The following CNIH3 variants were observed in gnomAD, a reference collection of about 807,000 sequenced individuals.
The protein encoded by CNIH3 is protein cornichon homolog 3.
In CNIH3, 14 loss-of-function variants were observed where a neutral mutation model predicts 24.1. The observed-to-expected ratio is 0.58, with a 90% CI of 0.38 to 0.91. CNIH3 has a LOEUF of 0.91. CNIH3 is among the 40% of genes least tolerant of loss of function. The pLI is 0.00. For missense variants in CNIH3, 178 were observed against 196.8 expected (o/e 0.90, Z 0.57); for synonymous variants, 68 against 73.8 (o/e 0.92, Z 0.40).
At chr1:224,588,968 G>GTTTTTTTTTTTTTTTTTTTTTTTTTT (rs974335950), downstream of CNIH3, among the ~76,000 whole-genome samples, 1 of 112,346 alleles carries the variant, frequency 8.9e-6, no homozygotes, top group Non-Finnish European at 1.7e-5. Flanking sequence ...CTGACCCCCT[G>GTTTTTTTTTTTTTTTTTTTTTTTTTT]TTTTTTTTTT....
At chr1:224,621,995 T>C (rs1683306083) in intron 1 of CNIH3, among the ~76,000 whole-genome samples, 1 of 152,228 alleles carries the variant, frequency 6.6e-6, no homozygotes, top group Admixed American at 6.5e-5. Context: ...GCACATGCTC[T>C]CTTGCTTGCC....
At chr1:224,480,812 G>A (rs1046369456) in intron 1 of CNIH3, among the ~76,000 whole-genome samples, 5 of 152,152 alleles carry the variant, frequency 3.3e-5, no homozygotes, top group East Asian at 1.9e-4. Context: ...ACAAGTCTCT[G>A]AGGAAGTTCC....
chr1:224,497,335 C>T (rs1677478916), intron 1 of CNIH3, among the ~76,000 whole-genome samples: 1 of 152,128 alleles, frequency 6.6e-6, no homozygotes, highest in Non-Finnish European at 1.5e-5. Flanking sequence ...CTAAAAACCA[C>T]TGAACTGTAT....
intron 1 of CNIH3, among the ~76,000 whole-genome samples, chr1:224,503,354 C>T (rs897223441): frequency 1.3e-5 from 2 of 152,280 alleles, no homozygotes; most frequent in African/African-American, 2.4e-5. Flanking sequence ...GTCTTTTCCT[C>T]CCTTGCTTCT....
At chr1:224,729,431 A>T (rs1689204488) in intron 3 of CNIH3, among the ~76,000 whole-genome samples, 1 of 150,724 alleles carries the variant, frequency 6.6e-6, no homozygotes, top group African/African-American at 2.4e-5. Flanking sequence ...AAAAAAAAAA[A>T]AAAAGGTAAG....
intron 1 of CNIH3, among the ~76,000 whole-genome samples, chr1:224,489,035 C>T (rs574544165): frequency 1.3e-5 from 2 of 152,074 alleles, no homozygotes; most frequent in South Asian, 4.1e-4. Flanking sequence ...GTAGTGTCTT[C>T]CTGTTTCTTT....
chr1:224,575,472 GC>G, intron 4 of CNIH3: 1 of 638,970 alleles, frequency 1.6e-6, no homozygotes, highest in South Asian at 1.8e-5. Context: ...AGGTAGTATG[GC>G]CTGTGTCACT....
At chr1:224,606,698 T>C (rs1308450845) in intron 3 of CNIH3, among the ~76,000 whole-genome samples, 2 of 152,210 alleles carry the variant, frequency 1.3e-5, no homozygotes, top group Non-Finnish European at 2.9e-5. Flanking sequence ...ACCGCCATCT[T>C]CTACCCAGTA....
chr1:224,712,302 T>C (rs951668245), intron 3 of CNIH3, among the ~76,000 whole-genome samples: 2 of 152,194 alleles, frequency 1.3e-5, no homozygotes, highest in African/African-American at 4.8e-5. Context: ...GCATTTTTAT[T>C]AATATCTACG....
At chr1:224,559,225 T>C (rs1680263809) in intron 3 of CNIH3, among the ~76,000 whole-genome samples, 1 of 152,200 alleles carries the variant, frequency 6.6e-6, no homozygotes, top group Admixed American at 6.5e-5. Flanking sequence ...GCAGACAGTT[T>C]TGCTTCAGAG....
chr1:224,446,414 A>G (rs945826965), intron 1 of CNIH3, among the ~76,000 whole-genome samples: 1 of 152,136 alleles, frequency 6.6e-6, no homozygotes, highest in Admixed American at 6.5e-5. Flanking sequence ...ATGTTTCTCT[A>G]CTTACATAGT....
intron 4 of CNIH3, among the ~76,000 whole-genome samples, chr1:224,732,732 C>T (rs1435122379): frequency 6.6e-6 from 1 of 152,170 alleles, no homozygotes; most frequent in Non-Finnish European, 1.5e-5. Context: ...ATGGACAAAA[C>T]ATCGATCAGG....
intron 4 of CNIH3, among the ~76,000 whole-genome samples, chr1:224,731,163 T>A (rs1292558043): frequency 2.0e-5 from 3 of 152,148 alleles, no homozygotes; most frequent in Non-Finnish European, 4.4e-5. Flanking sequence ...ATGAAAATGT[T>A]CTGAAATTAG....
At position 224,739,777 on chromosome 1, in the gene CNIH3, G is replaced by A. The variant is rs12133409; in HGVS notation, c.*421G>A. ...TTGCTAAGGAACAGAATGACCCAGA[G>A]TCAAGGCCAAGTCTGCAGGGACCTG... On this transcript the variant is annotated 3_prime_UTR_variant, in exon 6 of 6. Transcript: ENST00000272133. The A allele has an allele frequency of 5.9e-3, 1,103 of 187,864 alleles. 5 individuals carry two copies. Among genetic ancestry groups the A allele is most frequent in the Non-Finnish European group, 9.0e-3 (846 of 93,522 alleles). The allele number at this position is 187,864 out of a possible 1,614,324, so 11.6% of individuals were successfully genotyped here.
chr1:224,690,460 C>G (rs1686876388), intron 3 of CNIH3, among the ~76,000 whole-genome samples: 1 of 152,170 alleles, frequency 6.6e-6, no homozygotes, highest in African/African-American at 2.4e-5. Flanking sequence ...CTCAGCCTCC[C>G]AAAGTGCTGG....
intron 1 of CNIH3, among the ~76,000 whole-genome samples, chr1:224,638,660 C>T (rs1289658498): frequency 6.6e-6 from 1 of 152,172 alleles, no homozygotes; most frequent in Non-Finnish European, 1.5e-5. Context: ...GGGTTCAGGA[C>T]TCTGAATTTT....
chr1:224,585,474 ATTC>A (rs2125019933), intron 5 of CNIH3, among the ~76,000 whole-genome samples: 1 of 147,488 alleles, frequency 6.8e-6, no homozygotes, highest in African/African-American at 2.5e-5. Context: ...CAGTTCTTTT[ATTC>A]TTTTTTTTTT....
At chr1:224,732,342 C>T (rs1232191316) in intron 4 of CNIH3, among the ~76,000 whole-genome samples, 1 of 152,104 alleles carries the variant, frequency 6.6e-6, no homozygotes, top group Non-Finnish European at 1.5e-5. Flanking sequence ...GAAGAAATCT[C>T]AGATTTAGGG....
chr1:224,512,103 A>C (rs12140117), upstream of CNIH3, among the ~76,000 whole-genome samples: 37,045 of 151,158 alleles, frequency 0.25, 5,110 homozygotes, highest in African/African-American at 0.38. Flanking sequence ...TGAACCCTGG[A>C]GGTGGAGGTT....
Sources: allele counts gnomAD v4.1 joint callset (sites outside exome capture counted in the v4.1 genomes callset), GRCh38; gene constraint gnomAD v4.1.1; transcripts MANE v1.5; gene names NCBI Gene and HGNC (gene_info 2026-07-23, HGNC 2026-07-21).